ULK2: variants seen among roughly 807,000 people sequenced by gnomAD.
The protein encoded by ULK2 is unc-51 like autophagy activating kinase 2, also known as serine/threonine-protein kinase ULK2.
In ULK2, 76 loss-of-function variants were observed where a neutral mutation model predicts 127.5. That is an observed-to-expected ratio of 0.60 (90% CI 0.50 to 0.72). ULK2 has a LOEUF of 0.72. Among genes scored for constraint, ULK2 ranks in the 30% least tolerant of loss-of-function variants. The pLI, the probability that ULK2 is intolerant of heterozygous loss-of-function variation, is 0.00. For synonymous variants in ULK2, 452 were observed against 461.9 expected, an observed-to-expected ratio of 0.98 and a Z score of 0.28; for missense variants, 1,144 against 1,295.9, an observed-to-expected ratio of 0.88 and a Z score of 1.80.
At chr17:19,842,644 C>CT (rs1322797856) in intron 8 of ULK2, among the ~76,000 whole-genome samples, 3 of 152,082 alleles carry the variant, frequency 2.0e-5, no homozygotes, top group Non-Finnish European at 4.4e-5. Context: ...TACAGGGTCA[C>CT]TTTTTGGCAG....
chr17:19,861,561 A>T (rs2042243926), intron 3 of ULK2, among the ~76,000 whole-genome samples: 1 of 152,192 alleles, frequency 6.6e-6, no homozygotes, highest in Non-Finnish European at 1.5e-5. Context: ...AAAAAAAGAA[A>T]ATCATCTAAG....
chr17:19,865,246 A>C (rs1181878374), intron 2 of ULK2, among the ~76,000 whole-genome samples: 2 of 152,170 alleles, frequency 1.3e-5, no homozygotes, highest in African/African-American at 4.8e-5. Context: ...AGAAGTATTT[A>C]GTAAATGGGG....
intron 14 of ULK2, among the ~76,000 whole-genome samples, chr17:19,805,832 C>A (rs1052982957): frequency 2.0e-5 from 3 of 152,128 alleles, no homozygotes; most frequent in Admixed American, 1.3e-4. Flanking sequence ...AAGGAAACAA[C>A]TGTTTATCGT....
chr17:19,789,871 A>G (rs1251401990), intron 20 of ULK2, among the ~76,000 whole-genome samples: 1 of 151,782 alleles, frequency 6.6e-6, no homozygotes, highest in African/African-American at 2.4e-5. Flanking sequence ...AAAAAAATGA[A>G]AAAGAATGAA....
At chr17:19,803,029 A>AC (rs1400919484) in intron 15 of ULK2, among the ~76,000 whole-genome samples, 2 of 152,300 alleles carry the variant, frequency 1.3e-5, no homozygotes, top group African/African-American at 2.4e-5. Context: ...TCACCACTGA[A>AC]TTTTTCCAAC....
intron 10 of ULK2, among the ~76,000 whole-genome samples, chr17:19,837,735 C>T (rs1000835172): frequency 1.3e-5 from 2 of 152,122 alleles, no homozygotes; most frequent in African/African-American, 4.8e-5. Context: ...TTGCCTCTAC[C>T]ACCAGAAAGA....
chr17:19,830,618 TAAAA>T (rs3866960), intron 10 of ULK2, among the ~76,000 whole-genome samples: 19 of 138,686 alleles, frequency 1.4e-4, no homozygotes, highest in East Asian at 6.2e-4. Context: ...TGAGATTGTT[TAAAA>T]AAAAAAAAAA....
chr17:19,864,156 AT>A (rs1567734038), intron 3 of ULK2, among the ~76,000 whole-genome samples: 1 of 152,160 alleles, frequency 6.6e-6, no homozygotes. Flanking sequence ...AATAAAAAAA[AT>A]GTTTTTTTAA....
In ULK2 at chr17:19,805,900, TGTGGTTTACAGCCAA is replaced by T. The variant is rs534377169; in HGVS notation, c.1158-1085_1158-1071del. Among the ~76,000 whole-genome samples, 42 of 152,382 alleles carry T rather than the reference TGTGGTTTACAGCCAA, an allele frequency of 2.8e-4. 1 individual carries two copies. The East Asian group carries it at 7.9e-3, about 29-fold the overall frequency. ...TTCAACCACTCTATAGTTAGGACCCTGTGGTTTACAGCCAAGTGGAATTCCTAATGATACGCCATT... is the reference window on the plus strand; with the variant it reads ...TTCAACCACTCTATAGTTAGGACCCTGTGGAATTCCTAATGATACGCCATT... On this transcript the variant is annotated intron_variant, in intron 14 of 26. Coordinates refer to ENST00000395544, the MANE Select transcript of ULK2 (RefSeq NM_014683.4).
chr17:19,840,319 T>C (rs1373795334), intron 9 of ULK2: 2 of 525,344 alleles, frequency 3.8e-6, no homozygotes, highest in Non-Finnish European at 7.7e-6. Context: ...GATCCTGCCT[T>C]GATTCGTTGG....
At chr17:19,792,656 A>T (rs1485289154) in intron 20 of ULK2, among the ~76,000 whole-genome samples, 3 of 152,212 alleles carry the variant, frequency 2.0e-5, no homozygotes, top group Non-Finnish European at 4.4e-5. Context: ...AGTCTCTCAG[A>T]GCTTGCAGTG....
intron 8 of ULK2, among the ~76,000 whole-genome samples, chr17:19,842,427 C>T (rs920682777): frequency 4.6e-5 from 7 of 151,890 alleles, no homozygotes; most frequent in African/African-American, 1.5e-4. Flanking sequence ...GAACTCCCGA[C>T]CTCAGGTGAT....
rs764378884 is a variant in ULK2 at position 19,864,858 on chromosome 17, T to A, written c.184-14A>T. 1.6e-6 allele frequency: 2 copies of A among 1,264,974 alleles called. No homozygotes were observed. The highest frequency in any genetic ancestry group is 2.1e-6 in the Non-Finnish European group (2 of 952,722). 78.4% of individuals were successfully genotyped at this position (1,264,974 alleles called of 1,614,324 possible). On this transcript the variant is annotated splice_polypyrimidine_tract_variant and intron_variant, in intron 2 of 26. Transcript: ENST00000395544. The stretch of plus-strand genomic sequence containing the variant: ...ATGCTGAAGTTCCTATTAAGAAAAT[T>A]GAGAATGAAAAATATGTAAGTATTC...
At chr17:19,776,502 T>A (rs1241433031) in intron 26 of ULK2, 95 bp from the exon 27 acceptor site, 22 of 1,128,888 alleles carry the variant, frequency 1.9e-5, no homozygotes, top group Non-Finnish European at 2.6e-5. Flanking sequence ...CAGTTCTGAA[T>A]ATGTTTTCTT....
intron 3 of ULK2, among the ~76,000 whole-genome samples, chr17:19,852,789 C>T (rs1285790111): frequency 6.6e-6 from 1 of 151,524 alleles, no homozygotes; most frequent in African/African-American, 2.4e-5. Flanking sequence ...CGCCACCACA[C>T]CTGGCTAGTT....
chr17:19,802,770 G>A (rs73312778), intron 15 of ULK2, among the ~76,000 whole-genome samples: 1,819 of 152,292 alleles, frequency 0.012, 31 homozygotes, highest in African/African-American at 0.041. Flanking sequence ...CCAGATTAAT[G>A]AACTCATACT....
chr17:19,842,483 C>A (rs1163382809), intron 8 of ULK2, among the ~76,000 whole-genome samples: 1 of 152,072 alleles, frequency 6.6e-6, no homozygotes, highest in Non-Finnish European at 1.5e-5. Flanking sequence ...AGGTGTGAGC[C>A]ACCACGCCTG....
At chr17:19,852,352 T>G (rs553906984) in intron 3 of ULK2, among the ~76,000 whole-genome samples, 1 of 144,452 alleles carries the variant, frequency 6.9e-6, no homozygotes, top group Non-Finnish European at 1.5e-5. Flanking sequence ...AAACCCCATC[T>G]CTACTAAAAA....
intron 14 of ULK2, among the ~76,000 whole-genome samples, chr17:19,809,017 C>A (rs575285016): frequency 6.6e-6 from 1 of 152,278 alleles, no homozygotes; most frequent in East Asian, 1.9e-4. Context: ...GTTGAAGCAA[C>A]CCCAAATGTT....
Sources: allele counts gnomAD v4.1 joint callset (sites outside exome capture counted in the v4.1 genomes callset), GRCh38; gene constraint gnomAD v4.1.1; transcripts MANE v1.5; gene names NCBI Gene and HGNC (gene_info 2026-07-23, HGNC 2026-07-21).